The following MACROH2A2 variants were observed in gnomAD, a reference collection of about 807,000 sequenced individuals.
MACROH2A2 encodes the protein core histone macro-H2A.2.
In MACROH2A2, 6 loss-of-function variants were observed where a neutral mutation model predicts 37.6. The ratio of observed to expected loss-of-function variants is 0.16; its 90% CI spans 0.09 to 0.32. The LOEUF (loss-of-function observed/expected upper bound fraction) is 0.32. Ranked by LOEUF, MACROH2A2 falls within the 10% of genes least tolerant of loss-of-function variation. The pLI is 1.00. For synonymous variants in MACROH2A2, 192 were observed against 202.7 expected (o/e 0.95, Z 0.45); for missense variants, 290 against 485.9 (o/e 0.60, Z 3.79).
At chr10:70,089,129 C>G (rs2072228529) in intron 2 of MACROH2A2, among the ~76,000 whole-genome samples, 1 of 152,108 alleles carries the variant, frequency 6.6e-6, no homozygotes, top group African/African-American at 2.4e-5. Flanking sequence ...AAAAGACAGT[C>G]TAAGAGAAGT....
intron 1 of MACROH2A2, among the ~76,000 whole-genome samples, chr10:70,074,183 G>T (rs566485060): frequency 6.6e-6 from 1 of 152,160 alleles, no homozygotes; most frequent in South Asian, 2.1e-4. Flanking sequence ...TTGTGGGTGG[G>T]CTTACAAAGA....
At chr10:70,070,362 A>C (rs866470719) in intron 1 of MACROH2A2, among the ~76,000 whole-genome samples, 4 of 152,204 alleles carry the variant, frequency 2.6e-5, no homozygotes, top group African/African-American at 7.2e-5. Flanking sequence ...AACTTATTAT[A>C]AAGTACCATG....
chr10:70,053,032 T>A lies in MACROH2A2; in HGVS notation c.-60+32T>A, dbSNP rs1026466747. ...CCGCCATGGCGATGGCATTATTGTT[T>A]AGGGTGCTCCGGGGTCTGGAAACAA... On this transcript the variant is annotated intron_variant, in intron 1 of 8. Transcript: ENST00000373255. The surrounding 1 kb of genome is among the most constrained non-coding windows in gnomAD (Gnocchi z 4.8). The A allele has an allele frequency of 1.3e-5, 2 of 152,276 alleles. No homozygotes were observed. Among genetic ancestry groups the A allele is most frequent in the Non-Finnish European group, 2.9e-5 (2 of 68,168 alleles). 9.4% of individuals were successfully genotyped at this position (152,276 alleles called of 1,614,324 possible).
chr10:70,108,946 C>A, intron 7 of MACROH2A2, 87 bp from the exon 8 acceptor site: 1 of 1,198,132 alleles, frequency 8.3e-7, no homozygotes, highest in Non-Finnish European at 1.2e-6. Flanking sequence ...GCCTTATCTC[C>A]AGATCTAACA....
intron 8 of MACROH2A2, among the ~76,000 whole-genome samples, chr10:70,110,151 A>C (rs1352679636): frequency 6.6e-6 from 1 of 152,126 alleles, no homozygotes; most frequent in African/African-American, 2.4e-5. Flanking sequence ...CTGTGCTGGA[A>C]TACATGCGAT....
intron 1 of MACROH2A2, among the ~76,000 whole-genome samples, chr10:70,070,987 GTGTGCA>G (rs1554821722): frequency 4.0e-5 from 6 of 151,452 alleles, no homozygotes; most frequent in Admixed American, 2.0e-4. Flanking sequence ...GTGTGTGTCT[GTGTGCA>G]TGTGCATGTG....
intron 2 of MACROH2A2, among the ~76,000 whole-genome samples, chr10:70,086,233 A>G (rs548562638): frequency 6.6e-6 from 1 of 152,218 alleles, no homozygotes; most frequent in Admixed American, 6.5e-5. Flanking sequence ...TAAACATCCA[A>G]AAGAGATAAG....
intron 7 of MACROH2A2, among the ~76,000 whole-genome samples, chr10:70,106,099 C>A (rs1296966077): frequency 6.6e-6 from 1 of 152,206 alleles, no homozygotes; most frequent in Non-Finnish European, 1.5e-5. Context: ...GTAGCAGCCT[C>A]TCAGCAGGAC....
At chr10:70,070,667 A>G (rs1025489880) in intron 1 of MACROH2A2, among the ~76,000 whole-genome samples, 7 of 152,036 alleles carry the variant, frequency 4.6e-5, no homozygotes, top group Admixed American at 2.6e-4. Context: ...AATATTCTGT[A>G]TTTTTAGTAG....
chr10:70,080,544 TGGGCAAGATGGTGAGACCTCG>T (rs2072170074), intron 2 of MACROH2A2, among the ~76,000 whole-genome samples: 1 of 151,992 alleles, frequency 6.6e-6, no homozygotes, highest in Non-Finnish European at 1.5e-5. Context: ...CAGACCAGCT[TGGGCAAGATGGTGAGACCTCG>T]TCTCTACAAG....
At chr10:70,094,831 G>A (rs905787068) in intron 5 of MACROH2A2, among the ~76,000 whole-genome samples, 1 of 152,166 alleles carries the variant, frequency 6.6e-6, no homozygotes, top group Non-Finnish European at 1.5e-5. Context: ...GGTCTCCAAA[G>A]GGCAAGGGAG....
intron 7 of MACROH2A2, among the ~76,000 whole-genome samples, chr10:70,100,615 T>C (rs993734634): frequency 2.9e-5 from 3 of 104,674 alleles, no homozygotes; most frequent in Non-Finnish European, 7.0e-5. Flanking sequence ...CTATGTTTTG[T>C]TCTTTTTTTT....
chr10:70,093,681 C>T, intron 4 of MACROH2A2, 54 bp from the exon 5 acceptor site: 1 of 953,996 alleles, frequency 1.0e-6, no homozygotes. Context: ...AATAAAGGCA[C>T]CTCAGGCTTT....
intron 3 of MACROH2A2, 73 bp from the exon 4 acceptor site, chr10:70,091,684 A>C: frequency 9.1e-7 from 1 of 1,102,018 alleles, no homozygotes; most frequent in South Asian, 1.5e-5. Context: ...AAAAAAAAAA[A>C]AAAAAAAGAA....
At chr10:70,090,016 A>AC (rs1564545346) in intron 2 of MACROH2A2, 44 bp from the exon 3 acceptor site, 1 of 1,181,250 alleles carries the variant, frequency 8.5e-7, no homozygotes, top group East Asian at 2.3e-5. Context: ...TTTAGCTCAG[A>AC]CCCCATTCTG....
intron 2 of MACROH2A2, among the ~76,000 whole-genome samples, chr10:70,087,769 A>C (rs1462689140): frequency 1.3e-5 from 2 of 152,242 alleles, no homozygotes; most frequent in Non-Finnish European, 2.9e-5. Flanking sequence ...CACTGCATAA[A>C]TGAATTGTTG....
chr10:70,072,759 C>A (rs780564044), intron 1 of MACROH2A2, among the ~76,000 whole-genome samples: 11 of 152,024 alleles, frequency 7.2e-5, no homozygotes, highest in Non-Finnish European at 1.6e-4. Flanking sequence ...GAGTTTGAGA[C>A]CACCCTGGCC....
chr10:70,102,521 G>A lies in MACROH2A2; in HGVS notation c.778+2224G>A, dbSNP rs373324746. On this transcript the variant is annotated intron_variant, in intron 7 of 8. Coordinates refer to ENST00000373255, the MANE Select transcript of MACROH2A2 (RefSeq NM_018649.3). ...ATCACGAGGACAGGAGTTCAAGACC[G>A]GTTTGACCAACATGGTGAAACCCCG... Among the ~76,000 whole-genome samples the A allele has an allele frequency of 7.2e-3, 1,097 of 152,044 alleles. 13 individuals carry two copies. Among genetic ancestry groups the A allele is most frequent in the African/African-American group, 0.025 (1,022 of 41,484 alleles).
chr10:70,060,229 G>T (rs923112793), intron 1 of MACROH2A2, among the ~76,000 whole-genome samples: 2 of 152,046 alleles, frequency 1.3e-5, no homozygotes, highest in African/African-American at 4.8e-5. Context: ...AATTAGGGGG[G>T]CACAGTGGTG....
Sources: allele counts gnomAD v4.1 joint callset (sites outside exome capture counted in the v4.1 genomes callset), GRCh38; gene constraint gnomAD v4.1.1; non-coding constraint Gnocchi (gnomAD v3.1); transcripts MANE v1.5; gene names NCBI Gene and HGNC (gene_info 2026-07-23, HGNC 2026-07-21).